Variants in USP12 observed in about 807,000 individuals in gnomAD.
The protein encoded by USP12 is ubiquitin specific peptidase 12.
A neutral mutation model predicts 45.5 loss-of-function variants in USP12; 19 were observed. That is an observed-to-expected ratio of 0.42 (90% CI 0.29 to 0.61). USP12 has a LOEUF of 0.61. Among genes scored for constraint, USP12 ranks in the 20% least tolerant of loss-of-function variants. The pLI, the probability that USP12 is intolerant of heterozygous loss-of-function variation, is 0.22. For synonymous variants in USP12, 149 were observed against 148.8 expected, an observed-to-expected ratio of 1.00 and a Z score of -0.01; for missense variants, 242 against 447.7, an observed-to-expected ratio of 0.54 and a Z score of 4.15.
intron 1 of USP12, among the ~76,000 whole-genome samples, chr13:27,134,092 TA>T (rs1207967012): frequency 6.6e-6 from 1 of 152,084 alleles, no homozygotes; most frequent in African/African-American, 2.4e-5. Flanking sequence ...TGCAGTGAGC[TA>T]TGATCAGGCC....
chr13:27,133,692 C>T (rs914159106), intron 1 of USP12, among the ~76,000 whole-genome samples: 8 of 151,800 alleles, frequency 5.3e-5, no homozygotes, highest in African/African-American at 1.9e-4. Flanking sequence ...TCAATCTGAT[C>T]GGAAACTCTC....
chr13:27,166,041 G>A (rs745430533), intron 1 of USP12, among the ~76,000 whole-genome samples: 21 of 152,024 alleles, frequency 1.4e-4, no homozygotes, highest in Admixed American at 2.6e-4. Context: ...AAGCATATAA[G>A]GAATATCTAT....
At chr13:27,100,220 G>A (rs1295791493) in intron 3 of USP12, among the ~76,000 whole-genome samples, 2 of 151,940 alleles carry the variant, frequency 1.3e-5, no homozygotes, top group African/African-American at 2.4e-5. Flanking sequence ...ATAATCCTCC[G>A]TCCCTGAAAA....
At chr13:27,069,419 G>A in intron 8 of USP12, 35 bp from the exon 9 acceptor site, 1 of 1,477,506 alleles carries the variant, frequency 6.8e-7, no homozygotes, top group South Asian at 1.1e-5. Flanking sequence ...GTACATAAAT[G>A]AGCTCTGTAC....
chr13:27,095,096 A>G (rs1377011445), intron 4 of USP12, among the ~76,000 whole-genome samples: 1 of 152,204 alleles, frequency 6.6e-6, no homozygotes, highest in Admixed American at 6.5e-5. Context: ...TCGAGGCTAC[A>G]GTGAGCTGAG....
chr13:27,116,425 AC>A (rs1425353249), intron 2 of USP12, 90 bp downstream of exon 2: 5 of 1,190,904 alleles, frequency 4.2e-6, no homozygotes, highest in African/African-American at 1.5e-5. Context: ...ATAGAAAAGA[AC>A]AATTTTCCTT....
intron 1 of USP12, among the ~76,000 whole-genome samples, chr13:27,143,674 G>A (rs1258269826): frequency 6.6e-6 from 1 of 152,134 alleles, no homozygotes; most frequent in East Asian, 1.9e-4. Context: ...ATCACAGAGT[G>A]ATACAACTGC....
At chr13:27,097,812 A>G (rs1874662194) in intron 3 of USP12, among the ~76,000 whole-genome samples, 1 of 152,162 alleles carries the variant, frequency 6.6e-6, no homozygotes, top group African/African-American at 2.4e-5. Context: ...CATGTTGAAT[A>G]TCCTTTATCT....
intron 3 of USP12, among the ~76,000 whole-genome samples, chr13:27,098,085 T>C (rs1874683763): frequency 6.6e-6 from 1 of 151,944 alleles, no homozygotes; most frequent in Admixed American, 6.6e-5. Flanking sequence ...GGAAGTAAAT[T>C]TGTGTACACT....
At chr13:27,162,736 T>C (rs1878165897) in intron 1 of USP12, 1 of 152,244 alleles carries the variant, frequency 6.6e-6, no homozygotes, top group African/African-American at 2.4e-5. Context: ...GTTCCTTTAA[T>C]ACAATGAAAG....
At chr13:27,084,400 G>A (rs1324620774) in intron 6 of USP12, among the ~76,000 whole-genome samples, 1 of 151,230 alleles carries the variant, frequency 6.6e-6, no homozygotes, top group East Asian at 2.0e-4. Flanking sequence ...CAGCTACTCA[G>A]GAGGCTGAGG....
intron 1 of USP12, among the ~76,000 whole-genome samples, chr13:27,139,571 G>A (rs1054586083): frequency 4.6e-5 from 7 of 152,062 alleles, no homozygotes; most frequent in Admixed American, 6.6e-5. Context: ...AGCCGAGATC[G>A]CGCCACTGCA....
chr13:27,071,565 T>C (rs1191464121), intron 7 of USP12, among the ~76,000 whole-genome samples: 4 of 152,172 alleles, frequency 2.6e-5, no homozygotes, highest in Non-Finnish European at 5.9e-5. Context: ...CCCTTGGTAA[T>C]GGTTTTTTTC....
At chr13:27,140,562 A>T (rs1877009340) in intron 1 of USP12, among the ~76,000 whole-genome samples, 1 of 152,194 alleles carries the variant, frequency 6.6e-6, no homozygotes, top group African/African-American at 2.4e-5. Context: ...GGACTCTACT[A>T]GGAACTTTAT....
chr13:27,135,726 TTAAA>T (rs1376658160), intron 1 of USP12, among the ~76,000 whole-genome samples: 2 of 152,126 alleles, frequency 1.3e-5, no homozygotes, highest in African/African-American at 4.8e-5. Context: ...AAAAAATAAA[TTAAA>T]TAAATATTAG....
intron 1 of USP12, chr13:27,169,194 G>A (rs1224459623): frequency 6.6e-6 from 1 of 152,164 alleles, no homozygotes; most frequent in Admixed American, 6.5e-5. Context: ...AGTATGATAA[G>A]TGCTACTGAG....
intron 6 of USP12, among the ~76,000 whole-genome samples, chr13:27,084,168 A>G (rs946822942): frequency 3.6e-5 from 3 of 82,780 alleles, no homozygotes; most frequent in African/African-American, 1.3e-4. Flanking sequence ...CCATGTTTGC[A>G]TACACACACA....
intron 6 of USP12, among the ~76,000 whole-genome samples, chr13:27,086,693 G>C (rs570075614): frequency 6.6e-6 from 1 of 151,764 alleles, no homozygotes; most frequent in Non-Finnish European, 1.5e-5. Flanking sequence ...CTCACAGATG[G>C]GCCTTCCTCC....
rs1873420363 is a variant in USP12, at chr13:27,075,181, T to C, written c.932+10A>G. On this transcript the variant is annotated intron_variant, in intron 7 of 8. Transcript: ENST00000282344. ...GAATTCCACTACTATGTCCCCGGAG[T>C]TGCAATTACCTTCCACAGTGAACCA... is the stretch of plus-strand genomic sequence containing the variant. 6.2e-7 allele frequency: 1 copy of C among 1,613,512 alleles called. No individual in the cohort carries two copies. Among genetic ancestry groups the C allele is most frequent in the Admixed American group, 1.7e-5 (1 of 59,978 alleles).
Sources: gnomAD v4.1 joint callset for allele counts (sites outside exome capture counted in the v4.1 genomes callset) on GRCh38, gnomAD v4.1.1 for gene constraint, MANE v1.5 for transcripts, NCBI Gene and HGNC (gene_info 2026-07-23, HGNC 2026-07-21) for gene names.